TTC27: variants seen among roughly 807,000 people sequenced by gnomAD.
The protein encoded by TTC27 is tetratricopeptide repeat protein 27.
Under a neutral mutation model 115.9 loss-of-function variants are expected in TTC27, and 79 were observed. That is an observed-to-expected ratio of 0.68 (90% CI 0.57 to 0.82). The LOEUF (loss-of-function observed/expected upper bound fraction) is 0.82, where lower values mean the gene tolerates loss of function less well. Ranked by LOEUF, TTC27 falls within the 40% of genes least tolerant of loss-of-function variation. TTC27 has a pLI of 0.00. For synonymous variants in TTC27, 401 were observed against 356.0 expected (o/e 1.13, Z -1.42); for missense variants, 1,054 against 993.1 (o/e 1.06, Z -0.82).
intron 13 of TTC27, among the ~76,000 whole-genome samples, chr2:32,765,447 GC>G (rs1669593872): frequency 6.6e-6 from 1 of 151,646 alleles, no homozygotes; most frequent in African/African-American, 2.4e-5. Flanking sequence ...TGTCTTCTGG[GC>G]TTCATTGTTC....
At position 32,637,681 on chromosome 2, in the gene TTC27, G is replaced by C. The variant is rs182129573; in HGVS notation, c.397-2589G>C. 4.6e-4 allele frequency among the ~76,000 whole-genome samples: 70 copies of C among 152,214 alleles called. 1 individual carries two copies. The East Asian group carries it at 0.013, about 28-fold the overall frequency. On this transcript the variant is annotated intron_variant, in intron 3 of 19. Coordinates refer to ENST00000317907, the MANE Select transcript of TTC27 (RefSeq NM_017735.5). ...CTTATTATCTTCTTGTGCTTTACCA[G>C]TTTGGCTTGGGCTTTAGGAAATCAG...
chr2:32,725,751 G>A (rs1236883584), intron 10 of TTC27, among the ~76,000 whole-genome samples: 1 of 152,222 alleles, frequency 6.6e-6, no homozygotes, highest in Admixed American at 6.5e-5. Context: ...ACTCTGTGTG[G>A]TGGCTCCGAC....
At chr2:32,738,402 ATTAC>A (rs1668516992) in intron 12 of TTC27, among the ~76,000 whole-genome samples, 1 of 152,166 alleles carries the variant, frequency 6.6e-6, no homozygotes, top group African/African-American at 2.4e-5. Context: ...GCTTGCTGCC[ATTAC>A]TTGCTGTGAT....
At chr2:32,688,651 T>G (rs1666717083) in intron 9 of TTC27, among the ~76,000 whole-genome samples, 1 of 152,034 alleles carries the variant, frequency 6.6e-6, no homozygotes, top group South Asian at 2.1e-4. Context: ...CAAAAGGAGC[T>G]TGAAAGATGT....
At chr2:32,713,374 T>C (rs1001783496) in intron 10 of TTC27, among the ~76,000 whole-genome samples, 5 of 152,264 alleles carry the variant, frequency 3.3e-5, no homozygotes, top group African/African-American at 1.2e-4. Context: ...ACCAAATTTG[T>C]CATTGTCTTC....
intron 4 of TTC27, among the ~76,000 whole-genome samples, chr2:32,644,241 A>G (rs1357514183): frequency 1.3e-5 from 2 of 150,424 alleles, no homozygotes; most frequent in Non-Finnish European, 3.0e-5. Context: ...AATCCTAGCT[A>G]CTCAAGAGGC....
At chr2:32,717,166 G>T (rs928489273) in intron 10 of TTC27, among the ~76,000 whole-genome samples, 1 of 151,718 alleles carries the variant, frequency 6.6e-6, no homozygotes, top group African/African-American at 2.4e-5. Context: ...TTGAGACAGG[G>T]TCCTACTACA....
Position 32,665,321 on chromosome 2 carries a change from G to A in TTC27, c.805+854G>A, listed in dbSNP as rs567927718. Among the ~76,000 whole-genome samples, 4 of 152,260 alleles carry A rather than the reference G, an allele frequency of 2.6e-5. No individual in the cohort carries two copies. In the East Asian group the frequency reaches 7.7e-4, roughly 29 times the overall value. On this transcript the variant is annotated intron_variant, in intron 6 of 19. Coordinates refer to ENST00000317907, the MANE Select transcript of TTC27 (RefSeq NM_017735.5). ...AACTTGGAACACTGGCCAAGTATAA[G>A]TTGGAACAATGGCCATGTGTAAGTT...
At chr2:32,633,827 T>A (rs1441605004) in intron 2 of TTC27, 49 bp from the exon 3 acceptor site, 1 of 1,573,552 alleles carries the variant, frequency 6.4e-7, no homozygotes, top group Non-Finnish European at 8.7e-7. Flanking sequence ...TTTGAGATTA[T>A]ACAGTGATAG....
intron 12 of TTC27, among the ~76,000 whole-genome samples, chr2:32,737,777 A>G (rs1668494780): frequency 1.3e-5 from 2 of 152,106 alleles, no homozygotes; most frequent in Non-Finnish European, 2.9e-5. Flanking sequence ...CTGAGGTGGG[A>G]AGATCGCTTG....
chr2:32,736,500 A>G (rs1342332874), intron 11 of TTC27, among the ~76,000 whole-genome samples, 194 bp from the exon 12 acceptor site: 3 of 152,218 alleles, frequency 2.0e-5, no homozygotes, highest in Non-Finnish European at 4.4e-5. Flanking sequence ...CTTATACCCT[A>G]TAAAGAGGCT....
At chr2:32,685,015 C>CTTTTTTTTTTTT (rs70938361) in intron 9 of TTC27, among the ~76,000 whole-genome samples, 16 of 116,302 alleles carry the variant, frequency 1.4e-4, no homozygotes, top group East Asian at 2.5e-4. Context: ...TTGCCTTTTC[C>CTTTTTTTTTTTT]TTTTTTTTTT....
intron 12 of TTC27, among the ~76,000 whole-genome samples, chr2:32,753,942 G>C (rs1459733453): frequency 1.3e-5 from 2 of 151,834 alleles, no homozygotes; most frequent in Non-Finnish European, 2.9e-5. Flanking sequence ...GGGCATGGTG[G>C]TACATGCCTG....
chr2:32,696,582 C>T (rs901141484), intron 9 of TTC27, among the ~76,000 whole-genome samples: 1 of 152,084 alleles, frequency 6.6e-6, no homozygotes, highest in Non-Finnish European at 1.5e-5. Flanking sequence ...GCATGAGCCA[C>T]CACGCCCAGC....
chr2:32,707,630 A>G (rs1458139533), intron 10 of TTC27, among the ~76,000 whole-genome samples: 2 of 152,216 alleles, frequency 1.3e-5, no homozygotes, highest in Non-Finnish European at 2.9e-5. Flanking sequence ...CTAATGAAGT[A>G]TATTTTATTA....
At chr2:32,664,277 T>G (rs1285631964) in intron 5 of TTC27, 26 bp from the exon 6 acceptor site, 2 of 1,572,228 alleles carry the variant, frequency 1.3e-6, no homozygotes, top group South Asian at 1.2e-5. Context: ...ATCATAACTT[T>G]TAATGTTTTA....
At chr2:32,789,370 C>T (rs1243430477) in intron 16 of TTC27, among the ~76,000 whole-genome samples, 2 of 152,130 alleles carry the variant, frequency 1.3e-5, no homozygotes, top group African/African-American at 2.4e-5. Flanking sequence ...CTCATTCTCT[C>T]TCAGGATGAA....
intron 12 of TTC27, among the ~76,000 whole-genome samples, chr2:32,751,179 A>C (rs1040830814): frequency 4.0e-5 from 6 of 151,578 alleles, no homozygotes; most frequent in Admixed American, 6.6e-5. Flanking sequence ...CAGAGCCACC[A>C]CTATGTTAAG....
chr2:32,686,604 G>A (rs1174999547), intron 9 of TTC27, among the ~76,000 whole-genome samples: 6 of 151,662 alleles, frequency 4.0e-5, no homozygotes, highest in South Asian at 2.1e-4. Flanking sequence ...CAAGTGATCC[G>A]CCCGCCTCAG....
Sources: gnomAD v4.1 joint callset for allele counts (sites outside exome capture counted in the v4.1 genomes callset) on GRCh38, gnomAD v4.1.1 for gene constraint, MANE v1.5 for transcripts, NCBI Gene and HGNC (gene_info 2026-07-23, HGNC 2026-07-21) for gene names.